The following GRID1 variants were observed in gnomAD, a reference collection of about 807,000 sequenced individuals.
GRID1 encodes the protein glutamate receptor ionotropic, delta-1.
Under a neutral mutation model 98.0 loss-of-function variants are expected in GRID1, and 28 were observed. The observed-to-expected ratio is 0.29, with a 90% CI of 0.21 to 0.39. The LOEUF is 0.39. GRID1 is among the 10% of genes least tolerant of loss of function. The pLI is 1.00. For missense variants in GRID1, 1,111 were observed against 1,340.5 expected, an observed-to-expected ratio of 0.83 and a Z score of 2.67; for synonymous variants, 553 against 538.5, an observed-to-expected ratio of 1.03 and a Z score of -0.37.
chr10:85,743,522 G>A (rs1841969785), intron 8 of GRID1, among the ~76,000 whole-genome samples: 1 of 152,122 alleles, frequency 6.6e-6, no homozygotes. Flanking sequence ...ATGTGGAATT[G>A]GCTTTGAGAC....
In GRID1 at chr10:86,239,752, C is replaced by T. The variant is rs188648783; in HGVS notation, c.236-33104G>A. Among the ~76,000 whole-genome samples, 184 of 152,338 alleles carry T rather than the reference C, an allele frequency of 1.2e-3. 1 individual carries two copies. Among genetic ancestry groups the T allele is most frequent in the Non-Finnish European group, 1.9e-3 (126 of 68,032 alleles). On this transcript the variant is annotated intron_variant, in intron 2 of 15. Coordinates refer to ENST00000327946, the MANE Select transcript of GRID1 (RefSeq NM_017551.3). Reference sequence around the variant, plus strand: ...CCTGTTTCCCTTTCACCTTCCACCACGATTGTACGTTTTCAGAGGCCTCCT... The same window carrying T: ...CCTGTTTCCCTTTCACCTTCCACCATGATTGTACGTTTTCAGAGGCCTCCT...
At chr10:86,251,836 C>G (rs1846838631) in intron 2 of GRID1, among the ~76,000 whole-genome samples, 1 of 152,164 alleles carries the variant, frequency 6.6e-6, no homozygotes. Flanking sequence ...CAGCTCAGGG[C>G]TGGGCTGTCT....
intron 4 of GRID1, among the ~76,000 whole-genome samples, chr10:86,092,705 C>A (rs1477254387): frequency 1.3e-5 from 2 of 152,170 alleles, no homozygotes; most frequent in Non-Finnish European, 2.9e-5. Context: ...AACATACATG[C>A]AGCTAACACT....
At chr10:86,023,139 G>GGA (rs1256972819) in intron 4 of GRID1, among the ~76,000 whole-genome samples, 2 of 152,006 alleles carry the variant, frequency 1.3e-5, no homozygotes, top group African/African-American at 4.8e-5. Context: ...CTGTCCTCAG[G>GGA]GGTTCCCAGC....
chr10:85,774,078 T>C (rs1842302674), intron 8 of GRID1, among the ~76,000 whole-genome samples: 1 of 152,144 alleles, frequency 6.6e-6, no homozygotes, highest in East Asian at 1.9e-4. Context: ...CAAACTATAC[T>C]ACAAGGCTAC....
In GRID1 at chr10:85,600,289, T is replaced by C. The variant is rs1251598830; in HGVS notation, c.*1984A>G. On this transcript the variant is annotated 3_prime_UTR_variant, in exon 16 of 16. Coordinates refer to ENST00000327946, the MANE Select transcript of GRID1 (RefSeq NM_017551.3). ...CATGCTCTGATTGGAGAAATGTCAA[T>C]GGATTGCCTAGGTAGCACGAATATC... The C allele has an allele frequency of 6.6e-6, 1 of 152,112 alleles. No individual in the cohort carries two copies. Among genetic ancestry groups the C allele is most frequent in the Non-Finnish European group, 1.5e-5 (1 of 68,028 alleles). The allele number at this position is 152,112 out of a possible 1,614,324, so 9.4% of individuals were successfully genotyped here. A position where few individuals can be genotyped will look rare whatever the true frequency, so the allele number is the denominator to read the frequency against.
intron 8 of GRID1, among the ~76,000 whole-genome samples, chr10:85,772,538 G>A (rs550029355): frequency 6.6e-6 from 1 of 152,192 alleles, no homozygotes; most frequent in South Asian, 2.1e-4. Context: ...CCAGGAGCTG[G>A]TTTTTTGAAA....
At chr10:85,940,214 G>A (rs1196486558) in intron 4 of GRID1, among the ~76,000 whole-genome samples, 1 of 152,080 alleles carries the variant, frequency 6.6e-6, no homozygotes, top group Non-Finnish European at 1.5e-5. Context: ...GCCTTTTGAT[G>A]GGACATGCCT....
chr10:86,012,628 G>T (rs1842934025), intron 4 of GRID1, among the ~76,000 whole-genome samples: 1 of 152,160 alleles, frequency 6.6e-6, no homozygotes, highest in South Asian at 2.1e-4. Context: ...AACCTCCAGG[G>T]CGATGGTATT....
chr10:86,280,073 C>A (rs1369801758), intron 2 of GRID1, among the ~76,000 whole-genome samples: 1 of 152,006 alleles, frequency 6.6e-6, no homozygotes, highest in African/African-American at 2.4e-5. Context: ...CATAGTGGTG[C>A]ACATCTTTAC....
intron 8 of GRID1, among the ~76,000 whole-genome samples, chr10:85,771,833 T>A (rs1287183538): frequency 2.6e-5 from 4 of 152,094 alleles, no homozygotes; most frequent in East Asian, 3.9e-4. Flanking sequence ...AAGTCCTGAG[T>A]GACCTACAAA....
chr10:85,691,878 T>C (rs1029716081), intron 12 of GRID1, among the ~76,000 whole-genome samples: 2 of 152,136 alleles, frequency 1.3e-5, no homozygotes, highest in Non-Finnish European at 2.9e-5. Flanking sequence ...CCAAAAGCAA[T>C]GACCAGCTCA....
At chr10:85,969,326 C>T (rs1251125121) in intron 4 of GRID1, among the ~76,000 whole-genome samples, 2 of 152,048 alleles carry the variant, frequency 1.3e-5, no homozygotes, top group East Asian at 1.9e-4. Flanking sequence ...TTGAAAAATG[C>T]TATAAACCAA....
At chr10:86,226,301 G>A (rs936086550) in intron 2 of GRID1, among the ~76,000 whole-genome samples, 2 of 148,884 alleles carry the variant, frequency 1.3e-5, no homozygotes, top group Admixed American at 6.7e-5. Context: ...TGAAGCAGTG[G>A]TCAGAGCCCA....
At chr10:85,698,534 GGATGTACCA>G (rs113687589) in intron 12 of GRID1, among the ~76,000 whole-genome samples, 9,996 of 152,120 alleles carry the variant, frequency 0.066, 658 homozygotes, top group African/African-American at 0.17. Flanking sequence ...TCCATTGTCT[GGATGTACCA>G]GAGTTGATGT....
At position 86,329,072 on chromosome 10, in the gene GRID1, C is replaced by T. The variant is rs74149522; in HGVS notation, c.235+34869G>A. On this transcript the variant is annotated intron_variant, in intron 2 of 15. Transcript: ENST00000327946. Reference sequence around the variant, plus strand: ...CAAGAAGGCCAGGAGGAAAGCAAAGCCCTGGCTCAGAGAAAGAAGCAGGGG... The same window carrying T: ...CAAGAAGGCCAGGAGGAAAGCAAAGTCCTGGCTCAGAGAAAGAAGCAGGGG... Among the ~76,000 whole-genome samples the T allele has an allele frequency of 2.1e-3, 315 of 152,352 alleles. 1 individual carries two copies. Among genetic ancestry groups the T allele is most frequent in the African/African-American group, 7.2e-3 (300 of 41,580 alleles).
intron 4 of GRID1, among the ~76,000 whole-genome samples, chr10:86,088,851 C>T (rs768053523): frequency 6.6e-6 from 1 of 151,884 alleles, no homozygotes; most frequent in African/African-American, 2.4e-5. Flanking sequence ...ATTTTGCAGA[C>T]TTGCAGCAGA....
At chr10:86,094,978 G>A (rs1481254304) in intron 4 of GRID1, among the ~76,000 whole-genome samples, 2 of 152,120 alleles carry the variant, frequency 1.3e-5, no homozygotes, top group African/African-American at 4.8e-5. Context: ...AAACAGAATG[G>A]TACTGATATA....
intron 10 of GRID1, among the ~76,000 whole-genome samples, chr10:85,727,107 C>G (rs1402785964): frequency 6.6e-6 from 1 of 152,106 alleles, no homozygotes; most frequent in African/African-American, 2.4e-5. Context: ...AAGATGCTAA[C>G]AAGATGCATG....
Sources: allele counts gnomAD v4.1 joint callset (sites outside exome capture counted in the v4.1 genomes callset), GRCh38; gene constraint gnomAD v4.1.1; transcripts MANE v1.5; gene names NCBI Gene and HGNC (gene_info 2026-07-23, HGNC 2026-07-21).